The following NLGN4X variants were observed in gnomAD, a reference collection of about 807,000 sequenced individuals.
NLGN4X encodes neuroligin-4, X-linked.
A neutral mutation model predicts 40.3 loss-of-function variants in NLGN4X; 3 were observed. The ratio of observed to expected loss-of-function variants is 0.07; its 90% CI spans 0.03 to 0.19. The LOEUF (loss-of-function observed/expected upper bound fraction) is 0.19, where lower values mean the gene tolerates loss of function less well. NLGN4X is among the 10% of genes least tolerant of loss of function. The pLI is 1.00. For synonymous variants in NLGN4X, 270 were observed against 306.8 expected (o/e 0.88, Z 1.25); for missense variants, 382 against 708.3 (o/e 0.54, Z 5.23).
chrX:6,097,996 TA>T (rs1251633183), intron 2 of NLGN4X, among the ~76,000 whole-genome samples: 1 of 112,144 alleles, frequency 8.9e-6, no homozygotes, highest in Non-Finnish European at 1.9e-5. Context: ...ATAAACCAAT[TA>T]AAAACTAGAG....
chrX:6,078,746 T>C (rs1051527955), intron 2 of NLGN4X, among the ~76,000 whole-genome samples: 1 of 111,113 alleles, frequency 9.0e-6, no homozygotes, highest in Non-Finnish European at 1.9e-5. Context: ...TAAGGAATGG[T>C]TGCAGGGTAG....
At chrX:5,902,280 T>A (rs1345136732) in intron 5 of NLGN4X, among the ~76,000 whole-genome samples, 3 of 111,106 alleles carry the variant, frequency 2.7e-5, no homozygotes, top group African/African-American at 9.8e-5. Context: ...TCCCAGCTAT[T>A]CAGAAGGCTG....
At chrX:5,915,616 T>C (rs1380180181) in intron 3 of NLGN4X, among the ~76,000 whole-genome samples, 5 of 112,052 alleles carry the variant, frequency 4.5e-5, no homozygotes, top group Admixed American at 3.8e-4. Flanking sequence ...CTTGGCTCAC[T>C]GCAACCTCCA....
chrX:6,099,240 G>C (rs1479338458), intron 2 of NLGN4X, among the ~76,000 whole-genome samples: 1 of 112,336 alleles, frequency 8.9e-6, no homozygotes, highest in African/African-American at 3.2e-5. Flanking sequence ...TAGATGGATA[G>C]ATGAATAAAC....
chrX:6,015,970 G>A (rs1264922651), intron 3 of NLGN4X, among the ~76,000 whole-genome samples: 1 of 112,092 alleles, frequency 8.9e-6, no homozygotes. Context: ...CACAGAATGG[G>A]AGTGTTTGTG....
intron 3 of NLGN4X, among the ~76,000 whole-genome samples, chrX:5,988,270 C>A (rs1167698121): frequency 8.9e-6 from 1 of 111,856 alleles, no homozygotes; most frequent in Non-Finnish European, 1.9e-5. Flanking sequence ...AGGTCTATAG[C>A]ATTGTCTGAG....
intron 3 of NLGN4X, among the ~76,000 whole-genome samples, chrX:5,915,423 C>T (rs2032742363): frequency 8.9e-6 from 1 of 111,810 alleles, no homozygotes; most frequent in Non-Finnish European, 1.9e-5. Context: ...ATAATAAATA[C>T]AGCTTGTTTA....
chrX:6,152,481 G>A (rs1476710143), intron 1 of NLGN4X, among the ~76,000 whole-genome samples: 2 of 112,025 alleles, frequency 1.8e-5, no homozygotes, highest in Non-Finnish European at 3.8e-5. Flanking sequence ...TTTTCCTAAG[G>A]AGACATGCAT....
At chrX:5,941,655 T>G (rs908233986) in intron 3 of NLGN4X, among the ~76,000 whole-genome samples, 1 of 112,385 alleles carries the variant, frequency 8.9e-6, no homozygotes, top group African/African-American at 3.2e-5. Context: ...ATTCAAATGT[T>G]GCCAAATGGC....
chrX:6,140,603 G>A (rs1225017727), intron 2 of NLGN4X, among the ~76,000 whole-genome samples: 2 of 109,807 alleles, frequency 1.8e-5, no homozygotes, highest in African/African-American at 6.6e-5. Flanking sequence ...TTAGATACAG[G>A]GTCTCACTGT....
intron 2 of NLGN4X, among the ~76,000 whole-genome samples, chrX:6,065,001 C>T (rs1364282893): frequency 9.0e-6 from 1 of 111,581 alleles, no homozygotes; most frequent in Non-Finnish European, 1.9e-5. Context: ...CTTAAGAGAA[C>T]TAATGCAGAA....
chrX:6,108,976 TA>T (rs2039089130), intron 2 of NLGN4X, among the ~76,000 whole-genome samples: 1 of 111,848 alleles, frequency 8.9e-6, no homozygotes, highest in Non-Finnish European at 1.9e-5. Flanking sequence ...AAACTCTAGG[TA>T]ATGGCCAAGC....
intron 1 of NLGN4X, among the ~76,000 whole-genome samples, chrX:6,223,981 T>C (rs762697275): frequency 8.9e-6 from 1 of 112,821 alleles, no homozygotes; most frequent in African/African-American, 3.2e-5. Flanking sequence ...AGAATACATA[T>C]TGTTAAAAGG....
intron 2 of NLGN4X, among the ~76,000 whole-genome samples, chrX:6,123,101 G>GA (rs960997699): frequency 1.3e-4 from 14 of 106,809 alleles, no homozygotes; most frequent in South Asian, 4.0e-4. Flanking sequence ...CAGAATGAAA[G>GA]AAAAAAAAAG....
intron 2 of NLGN4X, among the ~76,000 whole-genome samples, chrX:6,091,257 C>T (rs1437655362): frequency 9.0e-6 from 1 of 111,542 alleles, no homozygotes; most frequent in Non-Finnish European, 1.9e-5. Context: ...ACTGTGAGGA[C>T]GTGAATACCT....
chrX:6,021,045 T>TCCCC (rs2036527525), intron 3 of NLGN4X, among the ~76,000 whole-genome samples: 3 of 22,986 alleles, frequency 1.3e-4, no homozygotes, highest in African/African-American at 9.3e-4. Context: ...TCTCTCTCTC[T>TCCCC]CTCCCTCCCT....
In NLGN4X at chrX:5,891,228, A is replaced by G. The variant is rs2031152165; in HGVS notation, c.*1589T>C. On this transcript the variant is annotated 3_prime_UTR_variant, in exon 6 of 6. Transcript: ENST00000381095. ...AATTTAAAATGGGTGAATAATTTCC[A>G]TTCAATGTCTTCTCAGTGAAGTTAT... 2 of 235,573 alleles carry G rather than the reference A, an allele frequency of 8.5e-6. No homozygotes were observed. The highest frequency in any genetic ancestry group is 9.6e-5 in the South Asian group (2 of 20,853). 19.4% of individuals were successfully genotyped at this position (235,573 alleles called of 1,213,427 possible). A position where few individuals can be genotyped will look rare whatever the true frequency, so the allele number is the denominator to read the frequency against.
At chrX:6,010,772 C>T (rs2036232448) in intron 3 of NLGN4X, among the ~76,000 whole-genome samples, 1 of 110,437 alleles carries the variant, frequency 9.1e-6, no homozygotes, top group Non-Finnish European at 1.9e-5. Flanking sequence ...AGTGATCCAC[C>T]TCCCATAGCC....
At chrX:6,043,800 G>A (rs1323365762) in intron 2 of NLGN4X, among the ~76,000 whole-genome samples, 2 of 111,428 alleles carry the variant, frequency 1.8e-5, no homozygotes, top group African/African-American at 3.3e-5. Context: ...TGTAATAGAG[G>A]CTATAAAGGC....
Sources: gnomAD v4.1 joint callset for allele counts (sites outside exome capture counted in the v4.1 genomes callset) on GRCh38, gnomAD v4.1.1 for gene constraint, MANE v1.5 for transcripts, NCBI Gene and HGNC (gene_info 2026-07-23, HGNC 2026-07-21) for gene names.